The following WDR46 variants were observed in gnomAD, a reference collection of about 807,000 sequenced individuals.
The protein encoded by WDR46 is WD repeat domain 46.
A neutral mutation model predicts 74.7 loss-of-function variants in WDR46; 58 were observed. The observed-to-expected ratio is 0.78, with a 90% confidence interval of 0.63 to 0.97. The LOEUF (loss-of-function observed/expected upper bound fraction) is 0.97. Among genes scored for constraint, WDR46 ranks in the 50% least tolerant of loss-of-function variants. The pLI is 0.00. For missense variants in WDR46, 702 were observed against 790.1 expected (o/e 0.89, Z 1.34); for synonymous variants, 278 against 297.3 (o/e 0.93, Z 0.67).
chr6:33,288,247 G>T lies in WDR46; in HGVS notation c.474-12C>A. On this transcript the variant is annotated splice_polypyrimidine_tract_variant and intron_variant, in intron 4 of 14. Coordinates refer to ENST00000374617, the MANE Select transcript of WDR46 (RefSeq NM_005452.6). ...CCCCTTCCAGAAACCTGAAAGCAAG[G>T]GTTAGGATGGCAGTAAAGCTTCCCA... 1 of 1,614,182 alleles carries T rather than the reference G, an allele frequency of 6.2e-7. No individual in the cohort carries two copies. The highest frequency in any genetic ancestry group is 8.5e-7 in the Non-Finnish European group (1 of 1,180,044).
At chr6:33,285,666 G>A (rs1372707980) in intron 10 of WDR46, among the ~76,000 whole-genome samples, 1 of 151,650 alleles carries the variant, frequency 6.6e-6, no homozygotes. Context: ...CGGAATTACA[G>A]GCCCCCGCCA....
At chr6:33,286,999 A>G in intron 9 of WDR46, 92 bp downstream of exon 9, 6 of 1,585,642 alleles carry the variant, frequency 3.8e-6, no homozygotes, top group Non-Finnish European at 5.1e-6. Flanking sequence ...AAAAAGGGAA[A>G]TAAAAGGGTA....
Position 33,286,863 on chromosome 6 carries a change from C to T in WDR46, c.1047G>A (p.Lys349=), listed in dbSNP as rs1341647728. The part of the protein sequence containing the change: ...GTVSLWSPAM[K]EPLAKILCHR... ...GACAGAGAATCTTTGCCAGTGGCTCCTTCATAGCTGGACTCCATAAAGACA... is the reference window on the plus strand; with the variant it reads ...GACAGAGAATCTTTGCCAGTGGCTCTTTCATAGCTGGACTCCATAAAGACA... The change falls in exon 10 of 15, where the codon AAG becomes AAA. Residue 349 remains lysine, a synonymous_variant. Transcript: ENST00000374617. 9.9e-6 allele frequency: 16 copies of T among 1,614,006 alleles called. No homozygotes were observed. Among genetic ancestry groups the T allele is most frequent in the African/African-American group, 2.7e-5 (2 of 74,884 alleles).
At chr6:33,284,493 C>G (rs2150903607) in intron 10 of WDR46, 1 of 153,960 alleles carries the variant, frequency 6.5e-6, no homozygotes, top group Admixed American at 6.5e-5. Flanking sequence ...CAGACACCAC[C>G]TCCACCCCTC....
chr6:33,281,464 G>C (rs189704103), intron 10 of WDR46, among the ~76,000 whole-genome samples: 3 of 152,286 alleles, frequency 2.0e-5, no homozygotes, highest in African/African-American at 7.2e-5. Context: ...AAAAATTACA[G>C]GAAGTAGATA....
At chr6:33,282,909 TCA>T (rs1259434867) in intron 10 of WDR46, among the ~76,000 whole-genome samples, 1 of 152,146 alleles carries the variant, frequency 6.6e-6, no homozygotes, top group Non-Finnish European at 1.5e-5. Flanking sequence ...AATCACTCAT[TCA>T]CAAAGATACA....
rs1403340021 is a variant in WDR46, at chr6:33,279,750, G to A, written c.1620+14C>T. The A allele has an allele frequency of 1.2e-6, 2 of 1,613,786 alleles. No homozygotes were observed. The highest frequency in any genetic ancestry group is 1.7e-6 in the Non-Finnish European group (2 of 1,179,904). On this transcript the variant is annotated intron_variant, in intron 13 of 14. Coordinates refer to ENST00000374617, the MANE Select transcript of WDR46 (RefSeq NM_005452.6). ...GAGAAGACGGGCCTGGGCATTCAGG[G>A]GCCTGCTCCATACCAGCCTCTCTAT...
Position 33,279,131 on chromosome 6 carries a change from A to T in WDR46, c.*145T>A. 2.5e-6 allele frequency: 3 copies of T among 1,191,814 alleles called. No individual in the cohort carries two copies. Among genetic ancestry groups the T allele is most frequent in the Non-Finnish European group, 3.5e-6 (3 of 846,200 alleles). The allele number at this position is 1,191,814 out of a possible 1,614,324, so 73.8% of individuals were successfully genotyped here. A position where few individuals can be genotyped will look rare whatever the true frequency, so the allele number is the denominator to read the frequency against. On this transcript the variant is annotated 3_prime_UTR_variant, in exon 15 of 15. Transcript: ENST00000374617. ...TATCCAAAAAATCGCTTTCCTCTTT[A>T]ATACCAACCCACCCCAGGAGACAGC...
Position 33,286,881 on chromosome 6 carries a change from T to C in WDR46, c.1029A>G (p.Leu343=). The C allele has an allele frequency of 1.9e-6, 3 of 1,613,988 alleles. No homozygotes were observed. Among genetic ancestry groups the C allele is most frequent in the Non-Finnish European group, 2.5e-6 (3 of 1,180,008 alleles). Residue 343 remains leucine (L), a synonymous_variant, in exon 10 of 15, where the codon TTA becomes TTG. Coordinates refer to ENST00000374617, the MANE Select transcript of WDR46 (RefSeq NM_005452.6). Reference sequence around the variant, plus strand: ...GTGGCTCCTTCATAGCTGGACTCCATAAAGACACAGTACCTGGAAGAGAAG... The same window carrying C: ...GTGGCTCCTTCATAGCTGGACTCCACAAAGACACAGTACCTGGAAGAGAAG... The part of the protein sequence containing the change: ...HLGHSNGTVS[L]WSPAMKEPLA...
At chr6:33,288,320 A>T in intron 4 of WDR46, 38 bp downstream of exon 4, 2 of 1,613,070 alleles carry the variant, frequency 1.2e-6, no homozygotes, top group Non-Finnish European at 1.7e-6. Flanking sequence ...ACAGTCCCAA[A>T]AGGCAGGGAA....
rs1765902187 is a variant in WDR46 at position 33,279,306 on chromosome 6, C to T, written c.1803G>A (p.Arg601=). Residue 601 remains arginine (R), a synonymous_variant, in exon 15 of 15, where the codon CGG becomes CGA. Transcript: ENST00000374617. ...GCACAAATCTGTCCAGGGCAGATGG[C>T]CGGGCCCCCGTGGGCTTGGCCTTCG... The part of the protein sequence containing the change: ...KEAKAKPTGA[R]PSALDRFVR 6.2e-7 allele frequency: 1 copy of T among 1,614,212 alleles called. No homozygotes were observed. The highest frequency in any genetic ancestry group is 2.2e-5 in the East Asian group (1 of 44,890).
Position 33,288,845 on chromosome 6 carries a change from G to C in WDR46, c.238C>G (p.Arg80Gly). The C allele has an allele frequency of 1.9e-6, 3 of 1,614,092 alleles. No homozygotes were observed. The highest frequency in any genetic ancestry group is 2.5e-6 in the Non-Finnish European group (3 of 1,180,020). The change falls in exon 2 of 15, where the codon CGA becomes GGA. Residue 80 changes from arginine to glycine, a missense_variant. By Grantham distance (125) the Arg-to-Gly change is moderately radical. Coordinates refer to ENST00000374617, the MANE Select transcript of WDR46 (RefSeq NM_005452.6). ...TGGGACTCCGGGTTCTTCCATTCTC[G>C]GGGTTTCTTCGGGACCTGAGGCTTC... ...SKKPQVPKKP[R>G]EWKNPESQRG...
Position 33,287,118 on chromosome 6 carries a change from C to T in WDR46, c.988G>A (p.Ala330Thr), listed in dbSNP as rs757854724. Residue 330 changes from alanine to threonine, a missense_variant, in exon 9 of 15, where the codon GCC becomes ACC. Ala to Thr is a moderately conservative substitution (Grantham distance 58, BLOSUM62 0). Coordinates refer to ENST00000374617, the MANE Select transcript of WDR46 (RefSeq NM_005452.6). ...TTGCTGTGTCCGAGATGGATGACGG[C>T]ATTGTAAGGGTTCTGACTCATAACA... ...LDVMSQNPYNAVIHLGHSNGT... is the reference protein window; with the variant it reads ...LDVMSQNPYNTVIHLGHSNGT... The T allele has an allele frequency of 7.4e-6, 12 of 1,613,914 alleles. No homozygotes were observed. Among genetic ancestry groups the T allele is most frequent in the Non-Finnish European group, 1.0e-5 (12 of 1,179,968 alleles).
chr6:33,287,825 T>C, intron 6 of WDR46, 107 bp from the exon 7 acceptor site: 2 of 1,518,418 alleles, frequency 1.3e-6, no homozygotes, highest in South Asian at 2.2e-5. Context: ...GGCAGACACA[T>C]GTTGCTGTAG....
At position 33,287,356 on chromosome 6, in the gene WDR46, G is replaced by C. The variant is rs779754254; in HGVS notation, c.878C>G (p.Ala293Gly). Residue 293 changes from alanine to glycine, a missense_variant and splice_region_variant, in exon 8 of 15, where the codon GCT becomes GGT. Transcript: ENST00000374617. ...TTCCTGAGCTCCATGGCCACTCACA[G>C]CTGTAGCCAGGAGGAAGTGGAAGGG... ...FLPFHFLLATASETGFLTYLD... is the reference protein window; with the variant it reads ...FLPFHFLLATGSETGFLTYLD... 9 of 1,612,832 alleles carry C rather than the reference G, an allele frequency of 5.6e-6. No homozygotes were observed. In the African/African-American group the frequency reaches 6.7e-5, roughly 12 times the overall value.
intron 10 of WDR46, chr6:33,284,577 C>T (rs1286503889): frequency 6.5e-6 from 1 of 153,748 alleles, no homozygotes; most frequent in South Asian, 2.1e-4. Flanking sequence ...TTTTGCTAAG[C>T]GCTGTGCTAA....
intron 10 of WDR46, among the ~76,000 whole-genome samples, chr6:33,285,828 TA>T (rs1766572290): frequency 6.7e-6 from 1 of 148,420 alleles, no homozygotes; most frequent in South Asian, 2.3e-4. Context: ...CTGGCCATAT[TA>T]CGTTTAATTT....
rs765000138 is a variant in WDR46 at position 33,287,661 on chromosome 6, C to G, written c.681G>C (p.Lys227Asn). 9 of 1,614,040 alleles carry G rather than the reference C, an allele frequency of 5.6e-6. No homozygotes were observed. The highest frequency in any genetic ancestry group is 7.6e-6 in the Non-Finnish European group (9 of 1,180,030). ...GHVAALDWVTKKLMCEINVME... is the reference protein window; with the variant it reads ...GHVAALDWVTNKLMCEINVME... ...TGACGTTGATCTCGCACATAAGCTT[C>G]TTTGTTACCCAATCAAGGGCAGCCA... The change falls in exon 7 of 15, where the codon AAG (lysine) becomes AAC (asparagine). Residue 227 changes from lysine (K) to asparagine (N), a missense_variant. Coordinates refer to ENST00000374617, the MANE Select transcript of WDR46 (RefSeq NM_005452.6).
rs750606090 is a variant in WDR46, at chr6:33,288,360, A to G, written c.471T>C (p.Pro157=). The G allele has an allele frequency of 2.5e-6, 4 of 1,614,058 alleles. No individual in the cohort carries two copies. The Admixed American group carries it at 5.0e-5, about 20-fold the overall frequency. ...GGTCCAGATTAGGGCTCACTCACCCAGGTTCTTCAGCAAGCAGCAGCTCAG... is the reference window on the plus strand; with the variant it reads ...GGTCCAGATTAGGGCTCACTCACCCGGGTTCTTCAGCAAGCAGCAGCTCAG... ...ARSELLLAEE[P]GFLEGEDGED... Residue 157 remains proline (P), a splice_region_variant and synonymous_variant, in exon 4 of 15, where the codon CCT becomes CCC. Transcript: ENST00000374617.
Sources: allele counts gnomAD v4.1 joint callset (sites outside exome capture counted in the v4.1 genomes callset), GRCh38; gene constraint gnomAD v4.1.1; transcripts MANE v1.5; gene names NCBI Gene and HGNC (gene_info 2026-07-23, HGNC 2026-07-21).